Variants in COX7A2L observed in about 807,000 individuals in gnomAD.
COX7A2L encodes cytochrome c oxidase subunit 7A2 like.
Under a neutral mutation model 14.2 loss-of-function variants are expected in COX7A2L, and 18 were observed. That is an observed-to-expected ratio of 1.27 (90% CI 0.88 to 1.88). The LOEUF is 1.88. Ranked by LOEUF, COX7A2L falls within the 40% of genes most tolerant of loss-of-function variation. The probability of loss-of-function intolerance (pLI) is 0.00; values close to 1 mark genes in which losing one functional copy is unlikely to be tolerated. For synonymous variants in COX7A2L, 65 were observed against 57.4 expected (o/e 1.13, Z -0.60); for missense variants, 179 against 138.8 (o/e 1.29, Z -1.46).
upstream of COX7A2L, among the ~76,000 whole-genome samples, chr2:42,363,508 A>G (rs1671102164): frequency 1.3e-5 from 2 of 152,212 alleles, no homozygotes; most frequent in African/African-American, 4.8e-5. Context: ...AGTTCCTGCC[A>G]TCTGATTTTA....
In COX7A2L at chr2:42,342,216, A is replaced by T. The variant is rs1280932920; in HGVS notation, c.193-8347T>A. On this transcript the variant is annotated intron_variant, in intron 2 of 2. Coordinates refer to the COX7A2L transcript ENST00000468711. The surrounding 1 kb of genome is among the most constrained non-coding windows in gnomAD (Gnocchi z 4.9). ...CTCACAACTGAAGCCTAAGCCTGGT[A>T]CAGCTGGAACCCTGAAGGGGGCCCT... Among the ~76,000 whole-genome samples the T allele has an allele frequency of 1.1e-4, 17 of 152,098 alleles. No homozygotes were observed. Among genetic ancestry groups the T allele is most frequent in the Admixed American group, 1.1e-3 (17 of 15,274 alleles).
intron 2 of COX7A2L, among the ~76,000 whole-genome samples, chr2:42,340,478 G>C (rs2103874123): frequency 6.6e-6 from 1 of 152,186 alleles, no homozygotes; most frequent in East Asian, 1.9e-4. Context: ...TGCTGGATCA[G>C]GTGGTTAGTC....
At chr2:42,344,818 T>TGGTGA (rs1670464646), downstream of COX7A2L, among the ~76,000 whole-genome samples, 2 of 149,446 alleles carry the variant, frequency 1.3e-5, no homozygotes, top group African/African-American at 5.0e-5. Context: ...GCCACTGTAC[T>TGGTGA]CCAGCCTGGG....
intron 2 of COX7A2L, among the ~76,000 whole-genome samples, chr2:42,351,973 G>C (rs961140351): frequency 3.9e-5 from 6 of 152,062 alleles, no homozygotes; most frequent in African/African-American, 9.7e-5. Context: ...ACAGAGTAAG[G>C]CTCTGTCTTA....
Position 42,353,279 on chromosome 2 carries a change from G to A in COX7A2L, c.137C>T (p.Thr46Ile). ...ATAATCATACACTGTGGAATCGGAGGTCAGTTTAGTTGGTGTGGCAAATAT... is the reference window on the plus strand; with the variant it reads ...ATAATCATACACTGTGGAATCGGAGATCAGTTTAGTTGGTGTGGCAAATAT... The part of the protein sequence containing the change: ...PIIFATPTKL[T>I]SDSTVYDYAG... The change falls in exon 2 of 3, where the codon ACC becomes ATC. Residue 46 changes from threonine (T) to isoleucine (I), a missense_variant. Coordinates refer to ENST00000234301, the MANE Select transcript of COX7A2L (RefSeq NM_004718.4). The A allele has an allele frequency of 1.9e-6, 3 of 1,614,190 alleles. No homozygotes were observed. Among genetic ancestry groups the A allele is most frequent in the Non-Finnish European group, 2.5e-6 (3 of 1,180,028 alleles).
intron 1 of COX7A2L, among the ~76,000 whole-genome samples, chr2:42,355,668 G>C: frequency 7.8e-6 from 1 of 127,484 alleles, no homozygotes; most frequent in East Asian, 2.5e-4. Context: ...TTCCTCCAAT[G>C]TTTATTCAGG....
At chr2:42,348,535 G>A (rs1670541671), downstream of COX7A2L, among the ~76,000 whole-genome samples, 1 of 152,150 alleles carries the variant, frequency 6.6e-6, no homozygotes, top group South Asian at 2.1e-4. Context: ...GTTAAGGAAT[G>A]TCCTACAAAA....
At position 42,353,426 on chromosome 2, in the gene COX7A2L, C is replaced by A. The variant is rs868121489; in HGVS notation, c.73-83G>T. Reference sequence around the variant, plus strand: ...AATAGTGGAGGCAGCCATTCAACTACGAGAGAGCAAGAAAGTCTCTCCAAC... The same window carrying A: ...AATAGTGGAGGCAGCCATTCAACTAAGAGAGAGCAAGAAAGTCTCTCCAAC... On this transcript the variant is annotated intron_variant, in intron 1 of 2. Transcript: ENST00000234301. 20 of 1,551,598 alleles carry A rather than the reference C, an allele frequency of 1.3e-5. No homozygotes were observed. In the Middle Eastern group the frequency reaches 2.4e-3, roughly 184 times the overall value.
At chr2:42,348,339 G>A (rs1173563390), downstream of COX7A2L, among the ~76,000 whole-genome samples, 3 of 152,288 alleles carry the variant, frequency 2.0e-5, no homozygotes, top group East Asian at 3.9e-4. Context: ...CTTATTAACT[G>A]CAAAGGGGAA....
chr2:42,366,122 T>C (rs1186226399), upstream of COX7A2L, among the ~76,000 whole-genome samples: 1 of 152,134 alleles, frequency 6.6e-6, no homozygotes, highest in Non-Finnish European at 1.5e-5. Flanking sequence ...GCTACCTGAA[T>C]CTATTCAGTA....
chr2:42,361,512 A>G (rs1671050072), upstream of COX7A2L: 5 of 194,682 alleles, frequency 2.6e-5, no homozygotes, highest in South Asian at 4.4e-4. Flanking sequence ...CGGCGGACTA[A>G]GCCCGGCAGT....
upstream of COX7A2L, among the ~76,000 whole-genome samples, chr2:42,363,927 C>T (rs372305544): frequency 5.3e-5 from 8 of 152,236 alleles, no homozygotes; most frequent in African/African-American, 1.4e-4. Context: ...GTGCTAATGG[C>T]CTCTGGCAGG....
chr2:42,339,680 G>A lies in COX7A2L; in HGVS notation c.193-5811C>T, dbSNP rs1194990110. On this transcript the variant is annotated intron_variant, in intron 2 of 2. Coordinates refer to the COX7A2L transcript ENST00000468711. This position sits in a 1 kb window ranked among gnomAD's most constrained non-coding sequence, Gnocchi z 5.4. Reference sequence around the variant, plus strand: ...ATAAAGTGCAGAATCTCAGCGCATTGTGCACACATATACACCCACACAGCC... The same window carrying A: ...ATAAAGTGCAGAATCTCAGCGCATTATGCACACATATACACCCACACAGCC... Among the ~76,000 whole-genome samples the A allele has an allele frequency of 6.6e-6, 1 of 151,802 alleles. No homozygotes were observed. The highest frequency in any genetic ancestry group is 1.5e-5 in the Non-Finnish European group (1 of 67,978).
At chr2:42,359,145 C>T (rs1670933246) in intron 1 of COX7A2L, 1 of 152,184 alleles carries the variant, frequency 6.6e-6, no homozygotes, top group Non-Finnish European at 1.5e-5. Flanking sequence ...CGGCGGCTCA[C>T]ATCTGTAATT....
rs1296342811 is a variant in COX7A2L, at chr2:42,349,931, T to C, written c.*1288A>G. 1 of 152,202 alleles carries C rather than the reference T, an allele frequency of 6.6e-6. No homozygotes were observed. Among genetic ancestry groups the C allele is most frequent in the Non-Finnish European group, 1.5e-5 (1 of 68,044 alleles). 9.4% of individuals were successfully genotyped at this position (152,202 alleles called of 1,614,324 possible). On this transcript the variant is annotated 3_prime_UTR_variant, in exon 3 of 3. Transcript: ENST00000234301. ...GAACAAGAAAAAGCAAAGGTGCCAA[T>C]ATATTGATAACTGGTGATCTAAGTG... is the stretch of plus-strand genomic sequence containing the variant.
intron 2 of COX7A2L, among the ~76,000 whole-genome samples, chr2:42,337,403 G>A (rs1340789267): frequency 6.6e-5 from 10 of 152,152 alleles, no homozygotes; most frequent in Non-Finnish European, 5.9e-5. Context: ...CACCATTCTT[G>A]AAATGACAAA....
At chr2:42,353,412 C>G in intron 1 of COX7A2L, 69 bp from the exon 2 acceptor site, 1 of 1,582,454 alleles carries the variant, frequency 6.3e-7, no homozygotes, top group Non-Finnish European at 8.6e-7. Flanking sequence ...ATAGTGGAGG[C>G]AGCCATTCAA....
rs1265160870 is a variant in COX7A2L, at chr2:42,350,843, T to C, written c.*376A>G. ...GCACATGACCTTGGCTTCTGTGTTC[T>C]TTCCATAGCCACATCCAAATCCAGA... On this transcript the variant is annotated 3_prime_UTR_variant, in exon 3 of 3. Coordinates refer to ENST00000234301, the MANE Select transcript of COX7A2L (RefSeq NM_004718.4). 2 of 158,052 alleles carry C rather than the reference T, an allele frequency of 1.3e-5. No homozygotes were observed. Among genetic ancestry groups the C allele is most frequent in the Non-Finnish European group, 2.8e-5 (2 of 72,228 alleles). 9.8% of individuals were successfully genotyped at this position (158,052 alleles called of 1,614,324 possible).
chr2:42,340,553 G>A (rs887356013), intron 2 of COX7A2L, among the ~76,000 whole-genome samples: 7 of 151,946 alleles, frequency 4.6e-5, no homozygotes, highest in South Asian at 2.1e-4. Flanking sequence ...AATGTGCTCC[G>A]TAACGCCTGA....
Sources: gnomAD v4.1 joint callset for allele counts (sites outside exome capture counted in the v4.1 genomes callset) on GRCh38, gnomAD v4.1.1 for gene constraint, Gnocchi (gnomAD v3.1) non-coding constraint, MANE v1.5 for transcripts, NCBI Gene and HGNC (gene_info 2026-07-23, HGNC 2026-07-21) for gene names.